The following CAMKMT variants were observed in gnomAD, a reference collection of about 807,000 sequenced individuals.
CAMKMT encodes CaM KMT.
A neutral mutation model predicts 48.0 loss-of-function variants in CAMKMT; 53 were observed. The observed-to-expected ratio is 1.10, with a 90% CI of 0.89 to 1.39. The LOEUF is 1.39. CAMKMT is among the 40% of genes most tolerant of loss of function. The pLI is 0.00. For synonymous variants in CAMKMT, 165 were observed against 152.3 expected, an observed-to-expected ratio of 1.08 and a Z score of -0.61; for missense variants, 428 against 402.7, an observed-to-expected ratio of 1.06 and a Z score of -0.54.
chr2:44,481,059 TG>T (rs1037979418), intron 3 of CAMKMT, among the ~76,000 whole-genome samples: 2 of 152,026 alleles, frequency 1.3e-5, no homozygotes, highest in Non-Finnish European at 2.9e-5. Context: ...ATGTTCAGAA[TG>T]ATGTTTTTCA....
chr2:44,400,280 A>T (rs916669363), intron 3 of CAMKMT, among the ~76,000 whole-genome samples: 30 of 152,216 alleles, frequency 2.0e-4, no homozygotes, highest in African/African-American at 5.8e-4. Flanking sequence ...AATAATTTTT[A>T]AAAAATTACA....
intron 3 of CAMKMT, among the ~76,000 whole-genome samples, chr2:44,448,390 C>G (rs1257241631): frequency 6.6e-6 from 1 of 152,176 alleles, no homozygotes; most frequent in Admixed American, 6.5e-5. Context: ...GTCCACTTCC[C>G]TAGAGGGTCT....
At chr2:44,476,001 G>A (rs942199223) in intron 3 of CAMKMT, among the ~76,000 whole-genome samples, 10 of 152,126 alleles carry the variant, frequency 6.6e-5, no homozygotes, top group African/African-American at 2.4e-4. Context: ...CATTGCATTT[G>A]ATTTTTGTGT....
intron 3 of CAMKMT, among the ~76,000 whole-genome samples, chr2:44,540,846 A>G (rs1317123359): frequency 6.6e-6 from 1 of 152,220 alleles, no homozygotes; most frequent in Admixed American, 6.5e-5. Context: ...AAAAAAATTT[A>G]TATTTATATA....
chr2:44,614,157 G>T (rs1050415504), intron 3 of CAMKMT, among the ~76,000 whole-genome samples: 6 of 152,130 alleles, frequency 3.9e-5, no homozygotes, highest in African/African-American at 1.4e-4. Flanking sequence ...GGTTGTATTT[G>T]GACTAGATAT....
intron 3 of CAMKMT, among the ~76,000 whole-genome samples, chr2:44,587,693 C>G (rs1434153609): frequency 2.3e-5 from 3 of 129,698 alleles, no homozygotes; most frequent in African/African-American, 8.6e-5. Context: ...GTTGGCCGGG[C>G]TGGTCTCAGC....
At chr2:44,686,403 A>AC (rs1236202952) in intron 3 of CAMKMT, among the ~76,000 whole-genome samples, 41 of 151,752 alleles carry the variant, frequency 2.7e-4, no homozygotes, top group African/African-American at 6.8e-4. Flanking sequence ...AAAAAAAAAA[A>AC]AAAACAAAAC....
chr2:44,449,169 A>G (rs994354024), intron 3 of CAMKMT, among the ~76,000 whole-genome samples: 8 of 152,126 alleles, frequency 5.3e-5, no homozygotes, highest in Non-Finnish European at 1.0e-4. Flanking sequence ...CAAAACTTCA[A>G]TCAGATCGTT....
chr2:44,526,996 G>C (rs1051456907), intron 3 of CAMKMT, among the ~76,000 whole-genome samples: 1 of 151,118 alleles, frequency 6.6e-6, no homozygotes, highest in Admixed American at 6.6e-5. Context: ...ACCAATTATA[G>C]AGCATTTTCA....
At chr2:44,689,561 G>T (rs77425653) in intron 3 of CAMKMT, among the ~76,000 whole-genome samples, 1,581 of 152,214 alleles carry the variant, frequency 0.01, 29 homozygotes, top group African/African-American at 0.036. Flanking sequence ...GAATAAAACT[G>T]ACAATGAAAG....
intron 3 of CAMKMT, among the ~76,000 whole-genome samples, chr2:44,617,485 C>T (rs1231245121): frequency 6.6e-6 from 1 of 152,218 alleles, no homozygotes; most frequent in Non-Finnish European, 1.5e-5. Context: ...ACAGTCACAA[C>T]ATCTTGATGA....
intron 3 of CAMKMT, among the ~76,000 whole-genome samples, chr2:44,408,252 C>T (rs1258189709): frequency 1.3e-5 from 2 of 152,024 alleles, no homozygotes; most frequent in Non-Finnish European, 2.9e-5. Flanking sequence ...TCTCGATCTA[C>T]TAACCTTGTG....
At chr2:44,598,595 T>G (rs915570618) in intron 3 of CAMKMT, among the ~76,000 whole-genome samples, 4 of 150,762 alleles carry the variant, frequency 2.7e-5, no homozygotes, top group African/African-American at 7.4e-5. Flanking sequence ...CTACTTAGAA[T>G]GTTAGCACAA....
At chr2:44,367,507 G>A (rs1327159767) in intron 1 of CAMKMT, among the ~76,000 whole-genome samples, 1 of 152,148 alleles carries the variant, frequency 6.6e-6, no homozygotes, top group African/African-American at 2.4e-5. Context: ...TTAGACTTGG[G>A]TCCCATCCCA....
intron 3 of CAMKMT, among the ~76,000 whole-genome samples, chr2:44,447,551 T>G (rs1667069903): frequency 6.6e-6 from 1 of 152,232 alleles, no homozygotes; most frequent in Admixed American, 6.5e-5. Context: ...TGTTGCATGT[T>G]TATCTTGGGT....
intron 3 of CAMKMT, among the ~76,000 whole-genome samples, chr2:44,469,636 T>C (rs1668313490): frequency 1.3e-5 from 2 of 152,136 alleles, no homozygotes; most frequent in Non-Finnish European, 2.9e-5. Flanking sequence ...AAATTTTTTA[T>C]TGTGTTAAAA....
chr2:44,423,060 T>G (rs1055692844), intron 3 of CAMKMT, among the ~76,000 whole-genome samples: 2 of 152,236 alleles, frequency 1.3e-5, no homozygotes, highest in Non-Finnish European at 2.9e-5. Flanking sequence ...AATTATTTTT[T>G]AGAATTCCTC....
At chr2:44,609,343 G>T (rs1671470952) in intron 3 of CAMKMT, among the ~76,000 whole-genome samples, 1 of 152,190 alleles carries the variant, frequency 6.6e-6, no homozygotes, top group African/African-American at 2.4e-5. Flanking sequence ...ATGCAGAGTG[G>T]ATGTTAAGTG....
chr2:44,387,865 C>T (rs935585747), intron 2 of CAMKMT, among the ~76,000 whole-genome samples: 2 of 152,120 alleles, frequency 1.3e-5, no homozygotes, highest in African/African-American at 4.8e-5. Flanking sequence ...GGCCCCAGTC[C>T]CTTCCGCATT....
Sources: allele counts gnomAD v4.1 joint callset (sites outside exome capture counted in the v4.1 genomes callset), GRCh38; gene constraint gnomAD v4.1.1; transcripts MANE v1.5; gene names NCBI Gene and HGNC (gene_info 2026-07-23, HGNC 2026-07-21).